The following PDZRN4 variants were observed in gnomAD, a reference collection of about 807,000 sequenced individuals.
The protein encoded by PDZRN4 is PDZ domain-containing RING finger protein 4.
Under a neutral mutation model 99.0 loss-of-function variants are expected in PDZRN4, and 70 were observed. The observed-to-expected ratio is 0.71, with a 90% confidence interval of 0.58 to 0.86. The LOEUF is 0.86. Ranked by LOEUF, PDZRN4 falls within the 40% of genes least tolerant of loss-of-function variation. PDZRN4 has a pLI of 0.00. For missense variants in PDZRN4, 1,474 were observed against 1,331.2 expected, an observed-to-expected ratio of 1.11 and a Z score of -1.67; for synonymous variants, 551 against 501.6, an observed-to-expected ratio of 1.10 and a Z score of -1.32.
intron 3 of PDZRN4, among the ~76,000 whole-genome samples, chr12:41,319,342 T>A (rs1951659250): frequency 6.6e-6 from 1 of 152,166 alleles, no homozygotes; most frequent in Non-Finnish European, 1.5e-5. Flanking sequence ...GTGGGTGGAC[T>A]GCTTTGCAGA....
In PDZRN4 at chr12:41,531,872, G is replaced by A. The variant is rs115200695; in HGVS notation, c.1204-20784G>A. Reference sequence around the variant, plus strand: ...GCTGCAAATACAAACACTATTTCCCGGTGTGTGACTTGCTTTTTGCTTAGT... The same window carrying A: ...GCTGCAAATACAAACACTATTTCCCAGTGTGTGACTTGCTTTTTGCTTAGT... On this transcript the variant is annotated intron_variant, in intron 5 of 9. Transcript: ENST00000402685. 6.3e-3 allele frequency among the ~76,000 whole-genome samples: 957 copies of A among 151,806 alleles called. 9 individuals carry two copies. The highest frequency in any genetic ancestry group is 0.02 in the African/African-American group (844 of 41,366).
At chr12:41,409,894 C>T (rs1952381734) in intron 3 of PDZRN4, 1 of 152,172 alleles carries the variant, frequency 6.6e-6, no homozygotes, top group African/African-American at 2.4e-5. Flanking sequence ...ATTTTGTTTC[C>T]ATCTCCATAT....
chr12:41,467,687 G>C (rs1263598066), intron 3 of PDZRN4, among the ~76,000 whole-genome samples: 3 of 152,194 alleles, frequency 2.0e-5, no homozygotes, highest in African/African-American at 7.2e-5. Context: ...CTGTGACACA[G>C]AGCCAGCCAT....
intron 3 of PDZRN4, among the ~76,000 whole-genome samples, chr12:41,478,072 T>C (rs905708942): frequency 6.6e-6 from 1 of 152,166 alleles, no homozygotes; most frequent in Admixed American, 6.5e-5. Context: ...TTTTATCTCA[T>C]AGGTACCTTA....
intron 3 of PDZRN4, among the ~76,000 whole-genome samples, chr12:41,300,566 C>G (rs751182367): frequency 1.3e-4 from 20 of 151,854 alleles, no homozygotes; most frequent in Non-Finnish European, 2.2e-4. Context: ...TATTTTTTCC[C>G]TTGTGGTCAT....
At chr12:41,539,535 C>A (rs985081230) in intron 5 of PDZRN4, among the ~76,000 whole-genome samples, 1 of 152,000 alleles carries the variant, frequency 6.6e-6, no homozygotes, top group Non-Finnish European at 1.5e-5. Context: ...GTTATGATGA[C>A]CACAGGAAAA....
At chr12:41,237,849 C>T (rs1047562116) in intron 3 of PDZRN4, among the ~76,000 whole-genome samples, 4 of 152,070 alleles carry the variant, frequency 2.6e-5, no homozygotes, top group African/African-American at 7.2e-5. Flanking sequence ...GTAGCAGTAC[C>T]GTGCTATTTT....
At chr12:41,569,319 C>A (rs905644680) in intron 9 of PDZRN4, among the ~76,000 whole-genome samples, 1 of 152,036 alleles carries the variant, frequency 6.6e-6, no homozygotes, top group African/African-American at 2.4e-5. Context: ...GAGGTTTCAC[C>A]ATGTTGATCA....
At chr12:41,264,838 G>A (rs143062369) in intron 3 of PDZRN4, among the ~76,000 whole-genome samples, 1 of 152,222 alleles carries the variant, frequency 6.6e-6, no homozygotes, top group Non-Finnish European at 1.5e-5. Flanking sequence ...TATCTTAAGT[G>A]AATTAACGCT....
At chr12:41,554,645 ACC>A (rs1939113030) in intron 6 of PDZRN4, among the ~76,000 whole-genome samples, 1 of 152,166 alleles carries the variant, frequency 6.6e-6, no homozygotes, top group Non-Finnish European at 1.5e-5. Context: ...AGATGAAATT[ACC>A]CGCAGTGAAC....
intron 3 of PDZRN4, among the ~76,000 whole-genome samples, chr12:41,469,738 T>C (rs921358360): frequency 1.4e-4 from 22 of 152,082 alleles, no homozygotes; most frequent in African/African-American, 4.8e-4. Context: ...GAGACCATCC[T>C]GGCTAACACG....
intron 3 of PDZRN4, among the ~76,000 whole-genome samples, chr12:41,342,268 A>G (rs1475704947): frequency 1.3e-5 from 2 of 151,918 alleles, no homozygotes; most frequent in Non-Finnish European, 2.9e-5. Flanking sequence ...CATAAGGGAA[A>G]TGCTTTATAA....
chr12:41,192,913 C>T (rs563863815), intron 2 of PDZRN4, among the ~76,000 whole-genome samples: 4 of 152,150 alleles, frequency 2.6e-5, no homozygotes, highest in African/African-American at 7.2e-5. Flanking sequence ...TAATTTTCAC[C>T]GTAACTGGAA....
At position 41,552,805 on chromosome 12, in the gene PDZRN4, G is replaced by C. The variant is rs373105236; in HGVS notation, c.1302+51G>C. The stretch of plus-strand genomic sequence containing the variant: ...TCGAGGAGGGAGACTAGGAAGAACA[G>C]AGCGAAATGACTCACAATGAGAAAA... On this transcript the variant is annotated intron_variant, in intron 6 of 9. Transcript: ENST00000402685. 3.3e-4 allele frequency: 457 copies of C among 1,378,192 alleles called. 1 individual carries two copies. The highest frequency in any genetic ancestry group is 4.2e-4 in the Non-Finnish European group (409 of 967,566). The allele number at this position is 1,378,192 out of a possible 1,614,324, so 85.4% of individuals were successfully genotyped here.
intron 3 of PDZRN4, among the ~76,000 whole-genome samples, chr12:41,290,550 A>G (rs2120906319): frequency 6.6e-6 from 1 of 152,294 alleles, no homozygotes; most frequent in African/African-American, 2.4e-5. Context: ...TAGGTGTTCT[A>G]GAGCACACAC....
In PDZRN4 at chr12:41,188,836, G is replaced by A; in HGVS notation, c.381G>A (p.Val127=). Residue 127 remains valine, a synonymous_variant, in exon 1 of 10, where the codon GTG becomes GTA. Transcript: ENST00000402685. ...GCASGLGGGE[V]PARGGCGPTP... is the part of the protein sequence containing the mutation. ...CTTCGGGGCTGGGCGGTGGTGAGGT[G>A]CCCGCGCGGGGGGGCTGCGGTCCGA... The A allele has an allele frequency of 7.8e-7, 1 of 1,276,916 alleles. No individual in the cohort carries two copies. The highest frequency in any genetic ancestry group is 9.9e-7 in the Non-Finnish European group (1 of 1,013,634). The allele number at this position is 1,276,916 out of a possible 1,614,324, so 79.1% of individuals were successfully genotyped here. A position where few individuals can be genotyped will look rare whatever the true frequency, so the allele number is the denominator to read the frequency against.
At position 41,407,577 on chromosome 12, in the gene PDZRN4, G is replaced by A. The variant is rs1020262453; in HGVS notation, c.844-98879G>A. 8.5e-5 allele frequency among the ~76,000 whole-genome samples: 13 copies of A among 152,150 alleles called. 1 individual carries two copies. The highest frequency in any genetic ancestry group is 1.8e-4 in the Non-Finnish European group (12 of 68,036). Reference sequence around the variant, plus strand: ...TATTGGCAGCTCACAGCTTACATTTGCGTCTATTTGTTGTGATTCTCGTGC... The same window carrying A: ...TATTGGCAGCTCACAGCTTACATTTACGTCTATTTGTTGTGATTCTCGTGC... On this transcript the variant is annotated intron_variant, in intron 3 of 9. Coordinates refer to ENST00000402685, the MANE Select transcript of PDZRN4 (RefSeq NM_001164595.2).
chr12:41,257,324 G>T (rs77008526), intron 3 of PDZRN4, among the ~76,000 whole-genome samples: 1,703 of 152,270 alleles, frequency 0.011, 34 homozygotes, highest in African/African-American at 0.039. Context: ...TCACATGGTG[G>T]AAGAGGCAAG....
chr12:41,220,818 T>C (rs546252009), intron 3 of PDZRN4, among the ~76,000 whole-genome samples: 5 of 152,284 alleles, frequency 3.3e-5, no homozygotes, highest in African/African-American at 1.2e-4. Context: ...TGACACTAGT[T>C]AAATCTGAGT....
Sources: allele counts gnomAD v4.1 joint callset (sites outside exome capture counted in the v4.1 genomes callset), GRCh38; gene constraint gnomAD v4.1.1; transcripts MANE v1.5; gene names NCBI Gene and HGNC (gene_info 2026-07-23, HGNC 2026-07-21).